The following APBB1IP variants were observed in gnomAD, a reference collection of about 807,000 sequenced individuals.
APBB1IP encodes amyloid beta A4 precursor protein-binding family B member 1-interacting protein.
Under a neutral mutation model 64.9 loss-of-function variants are expected in APBB1IP, and 27 were observed. The ratio of observed to expected loss-of-function variants is 0.42; its 90% CI spans 0.31 to 0.57. APBB1IP has a LOEUF of 0.57. APBB1IP is among the 20% of genes least tolerant of loss of function. APBB1IP has a pLI of 0.20. For synonymous variants in APBB1IP, 392 were observed against 331.0 expected (o/e 1.18, Z -2.00); for missense variants, 812 against 845.5 (o/e 0.96, Z 0.49).
chr10:26,505,943 C>T (rs563605612), intron 6 of APBB1IP, among the ~76,000 whole-genome samples: 5 of 152,202 alleles, frequency 3.3e-5, no homozygotes, highest in South Asian at 4.2e-4. Flanking sequence ...CATGACATGG[C>T]GACCAGTCAC....
chr10:26,501,894 A>G (rs1836105688), intron 5 of APBB1IP: 1 of 152,252 alleles, frequency 6.6e-6, no homozygotes, highest in African/African-American at 2.4e-5. Context: ...TTTTGAATGA[A>G]CAAATATTGA....
chr10:26,537,533 C>T (rs1199257639), intron 10 of APBB1IP, among the ~76,000 whole-genome samples: 1 of 152,146 alleles, frequency 6.6e-6, no homozygotes, highest in East Asian at 1.9e-4. Context: ...ACAACTGACC[C>T]ACAAATAATT....
chr10:26,441,222 T>C (rs767609660), intron 2 of APBB1IP, among the ~76,000 whole-genome samples: 7 of 152,224 alleles, frequency 4.6e-5, no homozygotes, highest in East Asian at 1.9e-4. Context: ...TTCATGTACA[T>C]AATAAATGCC....
At chr10:26,508,747 G>T (rs1746344497) in intron 6 of APBB1IP, among the ~76,000 whole-genome samples, 1 of 151,496 alleles carries the variant, frequency 6.6e-6, no homozygotes, top group African/African-American at 2.4e-5. Context: ...TTGGTTATAT[G>T]TGTGTGTGTG....
chr10:26,539,833 T>A (rs1213939685), intron 10 of APBB1IP, among the ~76,000 whole-genome samples: 1 of 152,138 alleles, frequency 6.6e-6, no homozygotes, highest in Non-Finnish European at 1.5e-5. Context: ...GAAGTACCGG[T>A]AACCACCGCA....
intron 6 of APBB1IP, 146 bp from the exon 7 acceptor site, chr10:26,511,596 TGCTTG>T (rs1240433115): frequency 3.9e-5 from 33 of 836,542 alleles, no homozygotes; most frequent in Non-Finnish European, 5.9e-5. Context: ...CTAAAACAAG[TGCTTG>T]GCATGCAAGT....
chr10:26,443,373 A>G (rs11015110), intron 2 of APBB1IP, among the ~76,000 whole-genome samples: 58,163 of 150,566 alleles, frequency 0.39, 11,486 homozygotes, highest in South Asian at 0.49. Context: ...GCAGTGAGCC[A>G]AAATCATGCC....
In APBB1IP at chr10:26,515,207, A is replaced by G. The variant is rs149674661; in HGVS notation, c.813+1547A>G. 5.6e-3 allele frequency among the ~76,000 whole-genome samples: 846 copies of G among 152,276 alleles called. 13 individuals carry two copies. The Middle Eastern group carries it at 0.061, about 11-fold the overall frequency. On this transcript the variant is annotated intron_variant, in intron 8 of 14. Coordinates refer to ENST00000376236, the MANE Select transcript of APBB1IP (RefSeq NM_019043.4). ...AATGGCATGCTTTAACAACTGCGTT[A>G]GTGAGGGTACCATCTAAATTGCTGT... is the stretch of plus-strand genomic sequence containing the variant.
rs1388938296 is a variant in APBB1IP at position 26,567,330 on chromosome 10, G to A, written c.1843G>A (p.Asp615Asn). ...CGCGCCCGCGCCCGCCCCCGTCCCCGACTCCGCCAGGCCGCCCCCCGCGGT... is the reference window on the plus strand; with the variant it reads ...CGCGCCCGCGCCCGCCCCCGTCCCCAACTCCGCCAGGCCGCCCCCCGCGGT... ...PPAPAPAPVP[D>N]SARPPPAVAK... Residue 615 changes from aspartate (D) to asparagine (N), a missense_variant, in exon 15 of 15, where the codon GAC becomes AAC. Asp to Asn is a conservative substitution (Grantham distance 23, BLOSUM62 1). Transcript: ENST00000376236. 1.5e-6 allele frequency: 2 copies of A among 1,329,906 alleles called. No homozygotes were observed. The highest frequency in any genetic ancestry group is 2.0e-6 in the Non-Finnish European group (2 of 1,024,318). The allele number at this position is 1,329,906 out of a possible 1,614,324, so 82.4% of individuals were successfully genotyped here.
At chr10:26,506,071 G>T (rs1207445761) in intron 6 of APBB1IP, among the ~76,000 whole-genome samples, 1 of 152,144 alleles carries the variant, frequency 6.6e-6, no homozygotes, top group African/African-American at 2.4e-5. Context: ...TTGGCACTTT[G>T]CAGGTCCTCT....
At chr10:26,532,601 C>T (rs1836568382) in intron 8 of APBB1IP, among the ~76,000 whole-genome samples, 1 of 152,104 alleles carries the variant, frequency 6.6e-6, no homozygotes, top group Non-Finnish European at 1.5e-5. Context: ...CTAGCCTCAG[C>T]CTCTCAAGTA....
chr10:26,548,836 T>C (rs1270033800), intron 11 of APBB1IP, among the ~76,000 whole-genome samples: 1 of 152,224 alleles, frequency 6.6e-6, no homozygotes, highest in Non-Finnish European at 1.5e-5. Flanking sequence ...CTTTTCTTTC[T>C]TTCTCTTGCC....
intron 11 of APBB1IP, among the ~76,000 whole-genome samples, chr10:26,543,240 G>T (rs1235545690): frequency 6.6e-6 from 1 of 152,012 alleles, no homozygotes; most frequent in African/African-American, 2.4e-5. Context: ...GCTGAGGCAG[G>T]CAGGTCACTT....
Position 26,476,007 on chromosome 10 carries a change from C to T in APBB1IP, c.1-16320C>T, listed in dbSNP as rs577638192. The stretch of plus-strand genomic sequence containing the variant: ...CTTTGGGAGGCCAAGGCCAGAGGAT[C>T]GCTTGAGGCCAAGAGTTCAAGACCA... On this transcript the variant is annotated intron_variant, in intron 2 of 14. Coordinates refer to ENST00000376236, the MANE Select transcript of APBB1IP (RefSeq NM_019043.4). 3.3e-5 allele frequency among the ~76,000 whole-genome samples: 5 copies of T among 152,102 alleles called. No individual in the cohort carries two copies. The East Asian group carries it at 7.7e-4, about 24-fold the overall frequency.
At chr10:26,566,924 T>G (rs1837052415) in intron 14 of APBB1IP, 37 bp from the exon 15 acceptor site, 1 of 1,428,522 alleles carries the variant, frequency 7.0e-7, no homozygotes, top group East Asian at 2.7e-5. Flanking sequence ...TTTCAAAAAT[T>G]AAAAAAAAAA....
At chr10:26,446,510 G>T (rs1388586821) in intron 2 of APBB1IP, among the ~76,000 whole-genome samples, 3 of 152,198 alleles carry the variant, frequency 2.0e-5, no homozygotes, top group African/African-American at 7.2e-5. Flanking sequence ...GACCACTGCA[G>T]AATGCCCAAG....
At chr10:26,493,189 G>A (rs1179562468) in intron 3 of APBB1IP, among the ~76,000 whole-genome samples, 1 of 152,122 alleles carries the variant, frequency 6.6e-6, no homozygotes, top group Non-Finnish European at 1.5e-5. Flanking sequence ...TATCTCCCTT[G>A]TTCCCTGAAC....
chr10:26,511,703 C>T (rs1836262116), intron 6 of APBB1IP, 44 bp from the exon 7 acceptor site: 1 of 1,605,632 alleles, frequency 6.2e-7, no homozygotes, highest in African/African-American at 1.3e-5. Flanking sequence ...GTAGCCTTCT[C>T]CAGTTGCTGA....
At chr10:26,496,272 A>T (rs1432503766) in intron 3 of APBB1IP, 32 bp from the exon 4 acceptor site, 1 of 1,517,308 alleles carries the variant, frequency 6.6e-7, no homozygotes, top group Non-Finnish European at 9.1e-7. Context: ...TTGTATCATG[A>T]ATAACTTTGA....
Sources: gnomAD v4.1 joint callset for allele counts (sites outside exome capture counted in the v4.1 genomes callset) on GRCh38, gnomAD v4.1.1 for gene constraint, MANE v1.5 for transcripts, NCBI Gene and HGNC (gene_info 2026-07-23, HGNC 2026-07-21) for gene names.